The following FMNL2 variants were observed in gnomAD, a reference collection of about 807,000 sequenced individuals.
The protein encoded by FMNL2 is formin like 2, also known as formin-like protein 2.
In FMNL2, 51 loss-of-function variants were observed where a neutral mutation model predicts 130.2. The observed-to-expected ratio is 0.39, with a 90% confidence interval of 0.31 to 0.49. The LOEUF (loss-of-function observed/expected upper bound fraction) is 0.49. Among genes scored for constraint, FMNL2 ranks in the 20% least tolerant of loss-of-function variants. The probability of loss-of-function intolerance (pLI) is 0.85; values close to 1 mark genes in which losing one functional copy is unlikely to be tolerated. For synonymous variants in FMNL2, 465 were observed against 467.1 expected, an observed-to-expected ratio of 1.00 and a Z score of 0.06; for missense variants, 977 against 1,316.2, an observed-to-expected ratio of 0.74 and a Z score of 3.99.
At chr2:152,537,106 T>C (rs539169124) in intron 2 of FMNL2, among the ~76,000 whole-genome samples, 15 of 152,288 alleles carry the variant, frequency 9.8e-5, no homozygotes, top group African/African-American at 3.6e-4. Flanking sequence ...AAGAAACAGT[T>C]CAGCTTGTTA....
chr2:152,375,873 C>CTATATATATATATATATATATATA (rs1235599536), intron 1 of FMNL2, among the ~76,000 whole-genome samples: 2 of 113,826 alleles, frequency 1.8e-5, no homozygotes, highest in Non-Finnish European at 1.7e-5. Flanking sequence ...CTCTCTCTCT[C>CTATATATATATATATATATATATA]TCTCTATATA....
intron 4 of FMNL2, among the ~76,000 whole-genome samples, chr2:152,557,245 C>T (rs1041445325): frequency 3.9e-5 from 6 of 152,112 alleles, no homozygotes; most frequent in African/African-American, 1.4e-4. Context: ...AAACTTCAGC[C>T]TCCACCAGTA....
At chr2:152,640,720 G>A in intron 24 of FMNL2, 71 bp from the exon 25 acceptor site, 1 of 1,552,822 alleles carries the variant, frequency 6.4e-7, no homozygotes. Flanking sequence ...TAATGCTCAG[G>A]CACATTTTGG....
intron 17 of FMNL2, 26 bp downstream of exon 17, chr2:152,626,753 GTTAGT>G: frequency 1.9e-6 from 3 of 1,566,298 alleles, no homozygotes; most frequent in Non-Finnish European, 2.6e-6. Flanking sequence ...TTATATTCTA[GTTAGT>G]TTATGATAAA....
At chr2:152,343,482 G>A (rs923086746) in intron 1 of FMNL2, among the ~76,000 whole-genome samples, 23 of 152,090 alleles carry the variant, frequency 1.5e-4, no homozygotes, top group African/African-American at 5.1e-4. Context: ...TTTTAGTAGA[G>A]ACAAGGTTTC....
chr2:152,626,452 A>C, intron 16 of FMNL2, 73 bp from the exon 17 acceptor site: 1 of 1,302,202 alleles, frequency 7.7e-7, no homozygotes, highest in East Asian at 2.5e-5. Flanking sequence ...TTGCTTAAGA[A>C]ACTAACTGGT....
intron 4 of FMNL2, among the ~76,000 whole-genome samples, chr2:152,555,163 C>T (rs1258776128): frequency 6.6e-6 from 1 of 152,140 alleles, no homozygotes; most frequent in Non-Finnish European, 1.5e-5. Flanking sequence ...AGATTGAAAA[C>T]AACTAATGTC....
chr2:152,583,337 C>A (rs1696892499), intron 9 of FMNL2, among the ~76,000 whole-genome samples: 1 of 152,094 alleles, frequency 6.6e-6, no homozygotes. Flanking sequence ...GGACCCCAAA[C>A]CCTGCTGGTG....
chr2:152,341,900 G>C (rs566072327), intron 1 of FMNL2, among the ~76,000 whole-genome samples: 2 of 152,322 alleles, frequency 1.3e-5, no homozygotes, highest in East Asian at 1.9e-4. Context: ...CAGATAATCT[G>C]TGTGACAAAC....
intron 1 of FMNL2, among the ~76,000 whole-genome samples, chr2:152,417,840 T>C (rs1686698036): frequency 6.6e-6 from 1 of 152,144 alleles, no homozygotes; most frequent in South Asian, 2.1e-4. Flanking sequence ...ATTATTATTA[T>C]TTTTTCTTTT....
rs765690953 is a variant in FMNL2 at position 152,584,952 on chromosome 2, G to A, written c.876+3903G>A. On this transcript the variant is annotated intron_variant, in intron 9 of 25. Transcript: ENST00000288670. The stretch of plus-strand genomic sequence containing the variant: ...GTTAACCCAAAGCTTTGCTTATGGT[G>A]GGGGTGGGATTGGGGTCTAAGCCTG... 2.0e-5 allele frequency among the ~76,000 whole-genome samples: 3 copies of A among 152,162 alleles called. No individual in the cohort carries two copies. The East Asian group carries it at 5.8e-4, about 29-fold the overall frequency.
intron 1 of FMNL2, among the ~76,000 whole-genome samples, chr2:152,521,425 C>G (rs1041748911): frequency 6.6e-6 from 1 of 152,062 alleles, no homozygotes; most frequent in African/African-American, 2.4e-5. Flanking sequence ...AACATATGTC[C>G]TCAAGGAATA....
chr2:152,523,098 A>G (rs1693186163), intron 2 of FMNL2, among the ~76,000 whole-genome samples: 1 of 152,250 alleles, frequency 6.6e-6, no homozygotes, highest in South Asian at 2.1e-4. Context: ...GCATGGATAT[A>G]GTATATGTTA....
intron 3 of FMNL2, 29 bp from the exon 4 acceptor site, chr2:152,548,992 T>G (rs1421652467): frequency 6.4e-7 from 1 of 1,554,632 alleles, no homozygotes; most frequent in Non-Finnish European, 8.7e-7. Context: ...CTAAAATATT[T>G]TGTGAGAATA....
chr2:152,568,284 C>T (rs1482556471), intron 6 of FMNL2, among the ~76,000 whole-genome samples: 1 of 135,932 alleles, frequency 7.4e-6, no homozygotes, highest in African/African-American at 2.9e-5. Flanking sequence ...GGCGTGATCT[C>T]GGCTCACTGC....
chr2:152,386,032 A>G (rs1017207371), intron 1 of FMNL2, among the ~76,000 whole-genome samples: 1 of 152,250 alleles, frequency 6.6e-6, no homozygotes, highest in Non-Finnish European at 1.5e-5. Context: ...CTTCTGCATC[A>G]GGTTCCCTGC....
chr2:152,358,103 G>A (rs945585081), intron 1 of FMNL2, among the ~76,000 whole-genome samples: 1 of 152,174 alleles, frequency 6.6e-6, no homozygotes, highest in East Asian at 1.9e-4. Flanking sequence ...AGTCTGCCGA[G>A]TCTGCCAGCC....
At chr2:152,644,025 T>C (rs1683323193) in intron 25 of FMNL2, 1 of 420,232 alleles carries the variant, frequency 2.4e-6, no homozygotes, top group Admixed American at 6.5e-5. Flanking sequence ...AGCCCAGGAG[T>C]TTGAGACCAG....
At chr2:152,538,278 T>G (rs773319459) in intron 2 of FMNL2, among the ~76,000 whole-genome samples, 10,858 of 150,236 alleles carry the variant, frequency 0.072, 709 homozygotes, top group Admixed American at 0.22. Flanking sequence ...TATGAGGTTT[T>G]TTTTTTTTGT....
Sources: allele counts gnomAD v4.1 joint callset (sites outside exome capture counted in the v4.1 genomes callset), GRCh38; gene constraint gnomAD v4.1.1; transcripts MANE v1.5; gene names NCBI Gene and HGNC (gene_info 2026-07-23, HGNC 2026-07-21).